VPS13C: variants seen among roughly 807,000 people sequenced by gnomAD.
The protein encoded by VPS13C is vacuolar protein sorting 13 homolog C, also known as intermembrane lipid transfer protein VPS13C.
A neutral mutation model predicts 456.8 loss-of-function variants in VPS13C; 358 were observed. That is an observed-to-expected ratio of 0.78 (90% confidence interval 0.72 to 0.86). The LOEUF (loss-of-function observed/expected upper bound fraction) is 0.86, where lower values mean the gene tolerates loss of function less well. Ranked by LOEUF, VPS13C falls within the 40% of genes least tolerant of loss-of-function variation. The pLI, the probability that VPS13C is intolerant of heterozygous loss-of-function variation, is 0.00. For missense variants in VPS13C, 4,818 were observed against 4,385.4 expected, an observed-to-expected ratio of 1.10 and a Z score of -2.79; for synonymous variants, 1,578 against 1,486.7, an observed-to-expected ratio of 1.06 and a Z score of -1.41.
chr15:62,055,187 A>T (rs989265709), intron 1 of VPS13C, among the ~76,000 whole-genome samples: 9 of 152,050 alleles, frequency 5.9e-5, no homozygotes, highest in Admixed American at 4.6e-4. Context: ...TCTAAAGTAT[A>T]CTTCCTGATT....
intron 27 of VPS13C, among the ~76,000 whole-genome samples, chr15:61,971,453 G>C (rs989368026): frequency 6.6e-6 from 1 of 152,078 alleles, no homozygotes; most frequent in African/African-American, 2.4e-5. Context: ...TAGAGATGGG[G>C]TTTCACCGTG....
At chr15:62,038,435 A>C (rs1379481250) in intron 3 of VPS13C, among the ~76,000 whole-genome samples, 1 of 152,008 alleles carries the variant, frequency 6.6e-6, no homozygotes, top group Non-Finnish European at 1.5e-5. Context: ...CAAAAAATAC[A>C]AATATGAGCC....
chr15:61,871,271 AT>A (rs1895009618), intron 79 of VPS13C, among the ~76,000 whole-genome samples: 1 of 152,032 alleles, frequency 6.6e-6, no homozygotes, highest in Non-Finnish European at 1.5e-5. Flanking sequence ...ACTCATTTTT[AT>A]ATATGGTACA....
intron 68 of VPS13C, among the ~76,000 whole-genome samples, chr15:61,883,634 T>G (rs934677470): frequency 6.6e-6 from 1 of 152,134 alleles, no homozygotes. Flanking sequence ...GCATCTTTAT[T>G]TGTGGATGCC....
intron 65 of VPS13C, among the ~76,000 whole-genome samples, chr15:61,908,654 C>A (rs1289923256): frequency 6.6e-6 from 1 of 152,152 alleles, no homozygotes; most frequent in African/African-American, 2.4e-5. Flanking sequence ...CCCTTATCTG[C>A]CATTTTGAAA....
At chr15:61,862,548 A>C (rs929733768) in intron 82 of VPS13C, among the ~76,000 whole-genome samples, 1 of 152,218 alleles carries the variant, frequency 6.6e-6, no homozygotes, top group Admixed American at 6.5e-5. Flanking sequence ...AAGACAAAAA[A>C]ACATTGTTTT....
intron 18 of VPS13C, 117 bp from the exon 19 acceptor site, chr15:61,985,116 G>C: frequency 2.5e-6 from 2 of 785,604 alleles, no homozygotes; most frequent in Non-Finnish European, 3.6e-6. Context: ...CAGCATGGCA[G>C]GTTCTGGCAT....
At chr15:62,015,293 A>G (rs1390630854) in intron 9 of VPS13C, among the ~76,000 whole-genome samples, 1 of 152,064 alleles carries the variant, frequency 6.6e-6, no homozygotes. Context: ...GTTTCCTCCC[A>G]TGTTGTAGGT....
At chr15:61,980,183 CAAAAAAAAAAAAAAAA>C (rs71125960) in intron 22 of VPS13C, among the ~76,000 whole-genome samples, 4 of 45,250 alleles carry the variant, frequency 8.8e-5, no homozygotes, top group Admixed American at 3.5e-4. Flanking sequence ...GACCCCATCT[CAAAAAAAAAAAAAAAA>C]AAAAAAAAAA....
chr15:61,989,336 G>C (rs1165914728), intron 18 of VPS13C, among the ~76,000 whole-genome samples: 1 of 152,066 alleles, frequency 6.6e-6, no homozygotes, highest in Non-Finnish European at 1.5e-5. Flanking sequence ...AGGAGGCAGA[G>C]GATGCAGTAA....
intron 27 of VPS13C, among the ~76,000 whole-genome samples, chr15:61,970,656 G>A (rs895985965): frequency 2.0e-5 from 3 of 152,012 alleles, no homozygotes; most frequent in Non-Finnish European, 4.4e-5. Flanking sequence ...CATTAGCTGG[G>A]TGTGGTGGTA....
intron 16 of VPS13C, 65 bp from the exon 17 acceptor site, chr15:61,991,867 T>G: frequency 6.7e-7 from 1 of 1,503,078 alleles, no homozygotes. Flanking sequence ...AGGTGTAGCC[T>G]GGGAAAAAAA....
Position 61,919,507 on chromosome 15 carries a change from T to A in VPS13C, c.7478-58A>T, listed in dbSNP as rs138767901. The A allele has an allele frequency of 8.1e-5, 115 of 1,412,374 alleles. No individual in the cohort carries two copies. The East Asian group carries it at 3.1e-3, about 38-fold the overall frequency. 87.5% of individuals were successfully genotyped at this position (1,412,374 alleles called of 1,614,324 possible). On this transcript the variant is annotated intron_variant, in intron 57 of 84. Coordinates refer to ENST00000644861, the MANE Select transcript of VPS13C (RefSeq NM_020821.3). ...ATATTAATTTGCCAATGTTTCTCTA[T>A]AACAATCATTAGTACCTCAAAATAA...
chr15:62,019,020 GTGTA>G (rs2047361367), intron 9 of VPS13C, among the ~76,000 whole-genome samples: 1 of 152,150 alleles, frequency 6.6e-6, no homozygotes, highest in African/African-American at 2.4e-5. Context: ...TCTTGGGAGG[GTGTA>G]TGTGTCGAGG....
chr15:62,041,905 G>C (rs2140716257), intron 2 of VPS13C, among the ~76,000 whole-genome samples: 1 of 152,078 alleles, frequency 6.6e-6, no homozygotes, highest in Non-Finnish European at 1.5e-5. Context: ...AATAGAAAAA[G>C]TTTGTAAATA....
intron 15 of VPS13C, among the ~76,000 whole-genome samples, chr15:62,004,615 G>T (rs2046765827): frequency 1.3e-5 from 2 of 151,168 alleles, no homozygotes; most frequent in African/African-American, 4.9e-5. Flanking sequence ...GTGATGTTAG[G>T]GTGTCAGTTT....
Position 62,041,349 on chromosome 15 carries a change from A to T in VPS13C, c.162T>A (p.Pro54=), listed in dbSNP as rs768379196. 2 of 1,607,220 alleles carry T rather than the reference A, an allele frequency of 1.2e-6. No individual in the cohort carries two copies. Among genetic ancestry groups the T allele is most frequent in the Admixed American group, 3.5e-5 (2 of 57,954 alleles). ...CAATTTGGCCAGCCTTGACTTTAAA[A>T]GGAACATCCAATTCACTCTTCAGAA... ...KENALSELDV[P]FKVKAGQIDK... is the part of the protein sequence containing the mutation. The change falls in exon 3 of 85, where the codon CCT becomes CCA. Residue 54 remains proline (P), a synonymous_variant. Transcript: ENST00000644861.
intron 47 of VPS13C, among the ~76,000 whole-genome samples, chr15:61,940,409 G>C (rs2044380258): frequency 6.6e-6 from 1 of 152,140 alleles, no homozygotes; most frequent in Non-Finnish European, 1.5e-5. Flanking sequence ...GATTTCATTT[G>C]CATATTTTTT....
At position 61,936,613 on chromosome 15, in the gene VPS13C, T is replaced by G; in HGVS notation, c.5739A>C (p.Val1913=). The change falls in exon 48 of 85, where the codon GTA becomes GTC. Residue 1913 remains valine, a synonymous_variant. Transcript: ENST00000644861. ...AATTTATACCTTTGAGATGGTCAGGTACACTTGAAACATCAACTTTTCTCA... is the reference window on the plus strand; with the variant it reads ...AATTTATACCTTTGAGATGGTCAGGGACACTTGAAACATCAACTTTTCTCA... ...VRVRKVDVSS[V]PDHLKEQEDW... 6.3e-7 allele frequency: 1 copy of G among 1,581,992 alleles called. No individual in the cohort carries two copies. Among genetic ancestry groups the G allele is most frequent in the Non-Finnish European group, 8.6e-7 (1 of 1,167,704 alleles).
Sources: gnomAD v4.1 joint callset for allele counts (sites outside exome capture counted in the v4.1 genomes callset) on GRCh38, gnomAD v4.1.1 for gene constraint, MANE v1.5 for transcripts, NCBI Gene and HGNC (gene_info 2026-07-23, HGNC 2026-07-21) for gene names.